The following CSMD1 variants were observed in gnomAD, a reference collection of about 807,000 sequenced individuals.
CSMD1 encodes the protein CUB and Sushi multiple domains 1.
In CSMD1, 213 loss-of-function variants were observed where a neutral mutation model predicts 417.5. That is an observed-to-expected ratio of 0.51 (90% confidence interval 0.46 to 0.57). CSMD1 has a LOEUF of 0.57. Among genes scored for constraint, CSMD1 ranks in the 20% least tolerant of loss-of-function variants. The pLI is 0.00. For synonymous variants in CSMD1, 2,862 were observed against 1,736.8 expected (o/e 1.65, Z -16.11); for missense variants, 6,923 against 4,529.7 (o/e 1.53, Z -15.17).
At position 3,778,382 on chromosome 8, in the gene CSMD1, G is replaced by C. The variant is rs76055255; in HGVS notation, c.819-24340C>G. On this transcript the variant is annotated intron_variant, in intron 5 of 69. Coordinates refer to ENST00000635120, the MANE Select transcript of CSMD1 (RefSeq NM_033225.6). ...CTGGAATCATTTCGGTAAGAAGACCGGGGGCAGAAACAAATAAATAAAAAG... is the reference window on the plus strand; with the variant it reads ...CTGGAATCATTTCGGTAAGAAGACCCGGGGCAGAAACAAATAAATAAAAAG... Among the ~76,000 whole-genome samples, 20 of 152,078 alleles carry C rather than the reference G, an allele frequency of 1.3e-4. No homozygotes were observed. The South Asian group carries it at 2.3e-3, about 17-fold the overall frequency.
intron 43 of CSMD1, among the ~76,000 whole-genome samples, 191 bp downstream of exon 43, chr8:3,109,967 A>G (rs1033693486): frequency 6.6e-6 from 1 of 152,136 alleles, no homozygotes; most frequent in Non-Finnish European, 1.5e-5. Flanking sequence ...GCCTATTTCT[A>G]CCATGTAGCA....
chr8:3,431,594 C>G (rs558034882), intron 12 of CSMD1, among the ~76,000 whole-genome samples: 4 of 152,258 alleles, frequency 2.6e-5, no homozygotes, highest in Admixed American at 1.3e-4. Context: ...TTTCTTCTAT[C>G]TCTACTTGAT....
At chr8:3,624,833 G>C (rs540605996) in intron 7 of CSMD1, among the ~76,000 whole-genome samples, 5 of 152,230 alleles carry the variant, frequency 3.3e-5, no homozygotes, top group African/African-American at 4.8e-5. Context: ...TTATCTCATT[G>C]AATTGAAAAG....
chr8:3,222,042 C>A (rs952975375), intron 28 of CSMD1, among the ~76,000 whole-genome samples: 5 of 152,040 alleles, frequency 3.3e-5, no homozygotes, highest in African/African-American at 1.2e-4. Flanking sequence ...TCACTACTTC[C>A]CAGGTAGATG....
intron 6 of CSMD1, among the ~76,000 whole-genome samples, chr8:3,708,946 T>C (rs1230710193): frequency 6.6e-6 from 1 of 152,104 alleles, no homozygotes; most frequent in Non-Finnish European, 1.5e-5. Context: ...TTACTCACAG[T>C]TTAGCGAATC....
rs200753970 is a variant in CSMD1 at position 3,678,244 on chromosome 8, A to G, written c.1009+30170T>C. ...TCAGATGATCAAACTTCTCCGAGCT[A>G]AAGGAGGAAGTTCGAACCCATCGCA... On this transcript the variant is annotated intron_variant, in intron 7 of 69. Transcript: ENST00000635120. Among the ~76,000 whole-genome samples, 35 of 152,308 alleles carry G rather than the reference A, an allele frequency of 2.3e-4. 1 individual carries two copies. In the East Asian group the frequency reaches 2.9e-3, roughly 13 times the overall value.
intron 1 of CSMD1, among the ~76,000 whole-genome samples, chr8:4,906,377 A>G (rs1256900169): frequency 6.6e-6 from 1 of 152,342 alleles, no homozygotes; most frequent in Middle Eastern, 3.4e-3. Flanking sequence ...TATTGTGGGT[A>G]GAACACTGAG....
intron 5 of CSMD1, among the ~76,000 whole-genome samples, chr8:3,992,902 C>A (rs746994059): frequency 6.6e-6 from 1 of 152,220 alleles, no homozygotes; most frequent in Non-Finnish European, 1.5e-5. Context: ...TTTCCAAAGC[C>A]ATTTTTCTCA....
Position 2,998,904 on chromosome 8 carries a change from G to A in CSMD1, c.8204-720C>T, listed in dbSNP as rs1041614926. 4.6e-5 allele frequency among the ~76,000 whole-genome samples: 7 copies of A among 152,004 alleles called. No homozygotes were observed. In the South Asian group the frequency reaches 6.2e-4, roughly 13 times the overall value. ...TTTCCTATAAGTAAAGCTTTTACCC[G>A]TGAACTTTGTACATTTTTCACATCA... On this transcript the variant is annotated intron_variant, in intron 53 of 69. Transcript: ENST00000635120.
intron 6 of CSMD1, among the ~76,000 whole-genome samples, chr8:3,718,345 A>C (rs1299268991): frequency 6.6e-6 from 1 of 152,140 alleles, no homozygotes; most frequent in East Asian, 1.9e-4. Context: ...TTTTGAGAAA[A>C]ACTGACAACC....
At chr8:3,415,264 G>C (rs1015685688) in intron 12 of CSMD1, among the ~76,000 whole-genome samples, 1 of 151,942 alleles carries the variant, frequency 6.6e-6, no homozygotes, top group African/African-American at 2.4e-5. Flanking sequence ...TTTTTCTTGA[G>C]AACACCTATA....
intron 3 of CSMD1, among the ~76,000 whole-genome samples, chr8:4,353,628 C>T (rs571863914): frequency 2.6e-4 from 40 of 152,120 alleles, no homozygotes; most frequent in African/African-American, 9.6e-4. Context: ...CAGAGTCACG[C>T]CCAACGGGAC....
At chr8:3,016,177 T>C (rs189586150) in intron 52 of CSMD1, among the ~76,000 whole-genome samples, 136 of 152,330 alleles carry the variant, frequency 8.9e-4, no homozygotes, top group African/African-American at 3.1e-3. Flanking sequence ...AAAAATATCA[T>C]CATTTATAAC....
intron 37 of CSMD1, among the ~76,000 whole-genome samples, chr8:3,176,247 C>T (rs574934704): frequency 2.6e-5 from 4 of 152,182 alleles, no homozygotes; most frequent in Non-Finnish European, 5.9e-5. Flanking sequence ...AAATGGAAAG[C>T]AATTCTTAAT....
At chr8:4,364,465 T>G (rs1801954492) in intron 3 of CSMD1, among the ~76,000 whole-genome samples, 2 of 152,210 alleles carry the variant, frequency 1.3e-5, no homozygotes, top group Admixed American at 6.5e-5. Flanking sequence ...AATCTATTTT[T>G]AGTAATACAA....
intron 23 of CSMD1, among the ~76,000 whole-genome samples, chr8:3,318,031 G>A (rs919049869): frequency 2.6e-5 from 4 of 152,134 alleles, no homozygotes; most frequent in African/African-American, 7.2e-5. Context: ...AAAACCCTGG[G>A]TTCAAGTGAT....
At chr8:4,218,765 G>T (rs998654897) in intron 3 of CSMD1, among the ~76,000 whole-genome samples, 1 of 152,124 alleles carries the variant, frequency 6.6e-6, no homozygotes, top group African/African-American at 2.4e-5. Context: ...TCAGTCTCTT[G>T]ATTTGGTCCT....
At chr8:2,972,620 G>C (rs190778842) in intron 57 of CSMD1, among the ~76,000 whole-genome samples, 12 of 152,204 alleles carry the variant, frequency 7.9e-5, no homozygotes, top group Admixed American at 5.9e-4. Context: ...TCAAACATTA[G>C]AATCAAGTAG....
At chr8:4,761,558 A>G (rs1396231873) in intron 1 of CSMD1, among the ~76,000 whole-genome samples, 5 of 152,084 alleles carry the variant, frequency 3.3e-5, no homozygotes, top group Non-Finnish European at 7.4e-5. Flanking sequence ...TTAGAGTTTG[A>G]AATTCCTTAT....
Sources: gnomAD v4.1 joint callset for allele counts (sites outside exome capture counted in the v4.1 genomes callset) on GRCh38, gnomAD v4.1.1 for gene constraint, MANE v1.5 for transcripts, NCBI Gene and HGNC (gene_info 2026-07-23, HGNC 2026-07-21) for gene names.